The following TBL1XR1 variants were observed in gnomAD, a reference collection of about 807,000 sequenced individuals.
TBL1XR1 encodes the protein TBL1X/Y related 1.
TBL1XR1 carries 5 observed loss-of-function variants against 66.9 expected under a neutral mutation model. That is an observed-to-expected ratio of 0.07 (90% confidence interval 0.04 to 0.16). The LOEUF (loss-of-function observed/expected upper bound fraction) is 0.16. TBL1XR1 is among the 10% of genes least tolerant of loss of function. TBL1XR1 has a pLI of 1.00. For missense variants in TBL1XR1, 238 were observed against 623.2 expected (o/e 0.38, Z 6.58); for synonymous variants, 210 against 206.0 (o/e 1.02, Z -0.17).
At chr3:177,138,272 G>A (rs1368283029) in intron 1 of TBL1XR1, among the ~76,000 whole-genome samples, 2 of 152,210 alleles carry the variant, frequency 1.3e-5, no homozygotes, top group Admixed American at 6.5e-5. Flanking sequence ...TTAAAGGTAA[G>A]GATAAAGCCA....
chr3:177,197,807 G>C (rs994066956), upstream of TBL1XR1, among the ~76,000 whole-genome samples: 5 of 147,064 alleles, frequency 3.4e-5, no homozygotes, highest in African/African-American at 1.2e-4. Context: ...AATCAGGCGA[G>C]CCCCGCGGGC....
chr3:177,053,273 G>A (rs984244505), intron 4 of TBL1XR1, among the ~76,000 whole-genome samples: 2 of 152,140 alleles, frequency 1.3e-5, no homozygotes, highest in African/African-American at 2.4e-5. Context: ...ATATGTAAAT[G>A]CATGTGGCTA....
chr3:177,183,321 AAGTTCCTGAT>A lies in TBL1XR1; in HGVS notation c.-122+13790_-122+13799del, dbSNP rs578062714. Among the ~76,000 whole-genome samples the A allele has an allele frequency of 9.2e-5, 14 of 152,340 alleles. No homozygotes were observed. In the East Asian group the frequency reaches 2.3e-3, roughly 25 times the overall value. Reference sequence around the variant, plus strand: ...AAGAGTACAGAAAATGTGTGTGCATAAGTTCCTGATAACCCTTCAGTTATTTCTGCATGTA... The same window carrying A: ...AAGAGTACAGAAAATGTGTGTGCATAAACCCTTCAGTTATTTCTGCATGTA... On this transcript the variant is annotated intron_variant, in intron 1 of 15. Transcript: ENST00000457928.
intron 1 of TBL1XR1, among the ~76,000 whole-genome samples, chr3:177,132,906 C>T (rs1412574250): frequency 6.6e-6 from 1 of 152,160 alleles, no homozygotes; most frequent in African/African-American, 2.4e-5. Flanking sequence ...CTGCTCACAC[C>T]GCCCTTCACC....
intron 2 of TBL1XR1, among the ~76,000 whole-genome samples, chr3:177,095,772 T>C (rs549891302): frequency 1.3e-5 from 2 of 152,260 alleles, no homozygotes; most frequent in East Asian, 3.9e-4. Flanking sequence ...CATGAGGCAC[T>C]GCACCCTGCC....
chr3:177,114,131 C>T (rs1182505648), intron 1 of TBL1XR1, among the ~76,000 whole-genome samples: 2 of 151,996 alleles, frequency 1.3e-5, no homozygotes, highest in African/African-American at 4.8e-5. Context: ...GTTATGTGCT[C>T]TTACCACAAA....
At chr3:177,104,555 G>T (rs1039617419) in intron 1 of TBL1XR1, among the ~76,000 whole-genome samples, 1 of 152,178 alleles carries the variant, frequency 6.6e-6, no homozygotes, top group African/African-American at 2.4e-5. Context: ...GATATCTTAA[G>T]TGACTCTGAG....
In TBL1XR1 at chr3:177,112,088, TATATATATATATA is replaced by T. The variant is rs1560188367; in HGVS notation, c.-121-13560_-121-13548del. On this transcript the variant is annotated intron_variant, in intron 1 of 15. Transcript: ENST00000457928. The stretch of plus-strand genomic sequence containing the variant: ...ATATAAAATCAAATATATATATATA[TATATATATATATA>T]TATATATTTTTTTTTTTTTTTTTTG... Among the ~76,000 whole-genome samples the T allele has an allele frequency of 1.5e-3, 76 of 51,376 alleles. 2 individuals carry two copies. The highest frequency in any genetic ancestry group is 2.9e-3 in the South Asian group (5 of 1,734). 33.7% of individuals were successfully genotyped at this position (51,376 alleles called of 152,430 possible). A position where few individuals can be genotyped will look rare whatever the true frequency, so the allele number is the denominator to read the frequency against.
Position 177,186,973 on chromosome 3 carries a change from C to T in TBL1XR1, c.-122+10148G>A, listed in dbSNP as rs918273793. On this transcript the variant is annotated intron_variant, in intron 1 of 15. Coordinates refer to ENST00000457928, the MANE Select transcript of TBL1XR1 (RefSeq NM_024665.7). ...CAAGGTCAGGAGATCGAGACCATCCCGGCTAACAGGATGAAACCCCGTCTC... is the reference window on the plus strand; with the variant it reads ...CAAGGTCAGGAGATCGAGACCATCCTGGCTAACAGGATGAAACCCCGTCTC... 1.6e-3 allele frequency among the ~76,000 whole-genome samples: 238 copies of T among 152,048 alleles called. 1 individual carries two copies. The highest frequency in any genetic ancestry group is 2.0e-3 in the Non-Finnish European group (138 of 67,962).
At chr3:177,076,898 A>C (rs747440081) in intron 2 of TBL1XR1, among the ~76,000 whole-genome samples, 8 of 152,188 alleles carry the variant, frequency 5.3e-5, no homozygotes, top group Admixed American at 6.5e-5. Flanking sequence ...ATGTGACCTA[A>C]TTTGGCCAGT....
At chr3:177,178,052 C>T (rs1006488292) in intron 1 of TBL1XR1, among the ~76,000 whole-genome samples, 1 of 152,166 alleles carries the variant, frequency 6.6e-6, no homozygotes, top group Non-Finnish European at 1.5e-5. Flanking sequence ...ATAACAATCT[C>T]AGGGCAGAGT....
intron 10 of TBL1XR1, among the ~76,000 whole-genome samples, chr3:177,038,908 C>T (rs1338882013): frequency 6.6e-6 from 1 of 152,124 alleles, no homozygotes; most frequent in African/African-American, 2.4e-5. Flanking sequence ...GTTACCCTCA[C>T]ACACAAGAGT....
At chr3:177,069,755 GA>G (rs1719643927) in intron 2 of TBL1XR1, among the ~76,000 whole-genome samples, 1 of 132,508 alleles carries the variant, frequency 7.5e-6, no homozygotes, top group African/African-American at 2.9e-5. Flanking sequence ...AGAAAGAAAG[GA>G]AAGGAAAGAA....
intron 2 of TBL1XR1, among the ~76,000 whole-genome samples, chr3:177,068,924 T>C (rs1444955384): frequency 6.6e-6 from 1 of 152,246 alleles, no homozygotes; most frequent in Non-Finnish European, 1.5e-5. Flanking sequence ...AATTACTTTA[T>C]CTTACAAACA....
At chr3:177,068,186 T>C (rs1487667914) in intron 2 of TBL1XR1, among the ~76,000 whole-genome samples, 4 of 152,222 alleles carry the variant, frequency 2.6e-5, no homozygotes, top group South Asian at 2.1e-4. Context: ...AAGGATTTAT[T>C]TGTATATTCT....
intron 1 of TBL1XR1, among the ~76,000 whole-genome samples, chr3:177,174,096 T>C (rs1455557249): frequency 6.6e-6 from 1 of 152,190 alleles, no homozygotes; most frequent in African/African-American, 2.4e-5. Context: ...AAGCATCTAA[T>C]TTATTTATCC....
intron 1 of TBL1XR1, among the ~76,000 whole-genome samples, chr3:177,106,150 CAA>C (rs1000259483): frequency 6.6e-6 from 1 of 151,084 alleles, no homozygotes; most frequent in Non-Finnish European, 1.5e-5. Flanking sequence ...AACATAATAA[CAA>C]AAAAAAGAAG....
intron 1 of TBL1XR1, among the ~76,000 whole-genome samples, chr3:177,153,738 G>A (rs1031407487): frequency 3.9e-5 from 6 of 151,914 alleles, no homozygotes; most frequent in Non-Finnish European, 7.4e-5. Flanking sequence ...TTAGCTGGGC[G>A]TGGTGGCACG....
At chr3:177,038,714 G>A (rs1715156661) in intron 10 of TBL1XR1, among the ~76,000 whole-genome samples, 1 of 152,096 alleles carries the variant, frequency 6.6e-6, no homozygotes, top group Non-Finnish European at 1.5e-5. Context: ...TGGCTCTGTG[G>A]GTCTTGGGTT....
Sources: gnomAD v4.1 joint callset for allele counts (sites outside exome capture counted in the v4.1 genomes callset) on GRCh38, gnomAD v4.1.1 for gene constraint, MANE v1.5 for transcripts, NCBI Gene and HGNC (gene_info 2026-07-23, HGNC 2026-07-21) for gene names.